The following SGCZ variants were observed in gnomAD, a reference collection of about 807,000 sequenced individuals.
SGCZ encodes the protein zeta-sarcoglycan.
Under a neutral mutation model 41.3 loss-of-function variants are expected in SGCZ, and 40 were observed. The observed-to-expected ratio is 0.97, with a 90% CI of 0.75 to 1.26. The LOEUF (loss-of-function observed/expected upper bound fraction) is 1.26, where lower values mean the gene tolerates loss of function less well. Among genes scored for constraint, SGCZ ranks in the 50% most tolerant of loss-of-function variants. The pLI is 0.00. For synonymous variants in SGCZ, 206 were observed against 137.5 expected (o/e 1.50, Z -3.49); for missense variants, 552 against 369.8 (o/e 1.49, Z -4.04).
At chr8:14,588,919 A>T (rs1268273965) in intron 1 of SGCZ, among the ~76,000 whole-genome samples, 1 of 152,214 alleles carries the variant, frequency 6.6e-6, no homozygotes, top group African/African-American at 2.4e-5. Context: ...TCTGACTATG[A>T]CATGGAAAAT....
chr8:15,091,646 A>G (rs1055912140), intron 1 of SGCZ, among the ~76,000 whole-genome samples: 2 of 152,236 alleles, frequency 1.3e-5, no homozygotes, highest in African/African-American at 4.8e-5. Flanking sequence ...AAAAATTTCC[A>G]ATTTAAATAA....
chr8:14,566,436 G>C (rs1804362644), intron 1 of SGCZ, among the ~76,000 whole-genome samples: 1 of 152,122 alleles, frequency 6.6e-6, no homozygotes, highest in Non-Finnish European at 1.5e-5. Flanking sequence ...ACTGAGGCCA[G>C]ACCCTGATTC....
chr8:14,315,348 T>A lies in SGCZ; in HGVS notation c.336+8755A>T, dbSNP rs937602622. On this transcript the variant is annotated intron_variant, in intron 3 of 7. Coordinates refer to ENST00000382080, the MANE Select transcript of SGCZ (RefSeq NM_139167.4). The stretch of plus-strand genomic sequence containing the variant: ...GATTGCCTTGCTATAGGTTACCGGC[T>A]GGGTAATAATTTGGTAACCAAAACA... Among the ~76,000 whole-genome samples, 3 of 152,132 alleles carry A rather than the reference T, an allele frequency of 2.0e-5. No individual in the cohort carries two copies. In the South Asian group the frequency reaches 6.2e-4, roughly 32 times the overall value.
intron 3 of SGCZ, among the ~76,000 whole-genome samples, chr8:14,265,814 A>G (rs1478690014): frequency 2.0e-5 from 3 of 151,952 alleles, no homozygotes; most frequent in Non-Finnish European, 4.4e-5. Flanking sequence ...GAAATCCTAG[A>G]CTTGAAAATT....
intron 4 of SGCZ, among the ~76,000 whole-genome samples, chr8:14,190,353 G>C (rs898061784): frequency 1.3e-5 from 2 of 151,288 alleles, no homozygotes; most frequent in African/African-American, 4.9e-5. Flanking sequence ...ATCCCATTAT[G>C]TATGTATGTA....
At chr8:14,189,143 G>C (rs1400476016) in intron 4 of SGCZ, among the ~76,000 whole-genome samples, 3 of 151,960 alleles carry the variant, frequency 2.0e-5, no homozygotes, top group Admixed American at 6.6e-5. Context: ...ACAGGCGTGA[G>C]CCACTGCACC....
chr8:15,122,499 T>C (rs925504873), intron 1 of SGCZ, among the ~76,000 whole-genome samples: 3 of 152,164 alleles, frequency 2.0e-5, no homozygotes, highest in Admixed American at 6.5e-5. Context: ...ACAAAAATTT[T>C]TACATGGGAA....
At chr8:14,212,609 G>C (rs939635591) in intron 4 of SGCZ, among the ~76,000 whole-genome samples, 1 of 151,910 alleles carries the variant, frequency 6.6e-6, no homozygotes. Context: ...ATTTCAATAG[G>C]ATCAAGAGTC....
chr8:14,117,358 T>C (rs75749587), intron 5 of SGCZ, among the ~76,000 whole-genome samples: 43 of 26,032 alleles, frequency 1.7e-3, no homozygotes, highest in African/African-American at 3.1e-3. Context: ...TAGGTAGTGT[T>C]TTTTTTTTTT....
rs374254660 is a variant in SGCZ, at chr8:14,405,426, T to G, written c.235-81222A>C. Among the ~76,000 whole-genome samples the G allele has an allele frequency of 4.6e-5, 7 of 151,832 alleles. No individual in the cohort carries two copies. The East Asian group carries it at 9.6e-4, about 21-fold the overall frequency. On this transcript the variant is annotated intron_variant, in intron 2 of 7. Transcript: ENST00000382080. ...CAGAAAATATAATGACATCAGATTATTTTTTTACTTCTGAACTGTTTTTAT... is the reference window on the plus strand; with the variant it reads ...CAGAAAATATAATGACATCAGATTAGTTTTTTACTTCTGAACTGTTTTTAT...
intron 2 of SGCZ, among the ~76,000 whole-genome samples, chr8:14,541,279 G>A (rs186762445): frequency 1.3e-5 from 2 of 151,890 alleles, no homozygotes; most frequent in South Asian, 4.2e-4. Flanking sequence ...TTAGGTATTT[G>A]TCCTAATGCT....
intron 1 of SGCZ, among the ~76,000 whole-genome samples, chr8:14,639,038 CTT>C (rs148778266): frequency 0.19 from 26,507 of 137,652 alleles, 2,557 homozygotes; most frequent in Admixed American, 0.27. Context: ...AAACTGGAAT[CTT>C]TTTTTTTTTT....
intron 1 of SGCZ, among the ~76,000 whole-genome samples, chr8:14,643,280 T>C (rs1807086996): frequency 6.6e-6 from 1 of 151,674 alleles, no homozygotes; most frequent in Admixed American, 6.6e-5. Context: ...GCATATATAA[T>C]ACATGCAGAC....
intron 1 of SGCZ, among the ~76,000 whole-genome samples, chr8:15,090,694 C>T (rs1207406731): frequency 2.6e-5 from 4 of 152,092 alleles, no homozygotes; most frequent in Admixed American, 2.0e-4. Flanking sequence ...TAAAGCCAAG[C>T]GTTGATAGGA....
intron 1 of SGCZ, among the ~76,000 whole-genome samples, chr8:14,699,317 A>C (rs1809063163): frequency 6.6e-6 from 1 of 151,470 alleles, no homozygotes; most frequent in Admixed American, 6.6e-5. Context: ...AAAGCCACAT[A>C]CCTACAACCA....
chr8:14,882,746 C>T (rs58783216), intron 1 of SGCZ, among the ~76,000 whole-genome samples: 3,640 of 152,154 alleles, frequency 0.024, 145 homozygotes, highest in African/African-American at 0.084. Context: ...AATCTACCCT[C>T]TTTTTCTATT....
intron 5 of SGCZ, among the ~76,000 whole-genome samples, chr8:14,140,707 G>A (rs1004634910): frequency 5.3e-5 from 8 of 152,098 alleles, no homozygotes; most frequent in Non-Finnish European, 1.0e-4. Flanking sequence ...CATGCTCATG[G>A]ATAGGAAGAA....
In SGCZ at chr8:14,085,268, T is replaced by C. The variant is rs1378667194; in HGVS notation, c.*5175A>G. 6.6e-6 allele frequency among the ~76,000 whole-genome samples: 1 copy of C among 151,752 alleles called. No individual in the cohort carries two copies. The highest frequency in any genetic ancestry group is 2.4e-5 in the African/African-American group (1 of 41,400). On this transcript the variant is annotated 3_prime_UTR_variant, in exon 8 of 8. Transcript: ENST00000382080. ...AAAATAGTTCCATTTTTCATATATC[T>C]ATATATACAAGAAAACATTTACATG...
At chr8:14,772,890 C>A (rs4559241) in intron 1 of SGCZ, among the ~76,000 whole-genome samples, 8 of 151,728 alleles carry the variant, frequency 5.3e-5, no homozygotes, top group African/African-American at 9.7e-5. Flanking sequence ...ATAAACATAC[C>A]TGTGCATGTG....
Sources: gnomAD v4.1 joint callset for allele counts (sites outside exome capture counted in the v4.1 genomes callset) on GRCh38, gnomAD v4.1.1 for gene constraint, MANE v1.5 for transcripts, NCBI Gene and HGNC (gene_info 2026-07-23, HGNC 2026-07-21) for gene names.